Variants in LRFN1 observed in about 807,000 individuals in gnomAD.
The protein encoded by LRFN1 is leucine-rich repeat and fibronectin type III domain-containing protein 1.
A neutral mutation model predicts 31.8 loss-of-function variants in LRFN1; 20 were observed. The observed-to-expected ratio is 0.63, with a 90% CI of 0.44 to 0.91. The LOEUF (loss-of-function observed/expected upper bound fraction) is 0.91, where lower values mean the gene tolerates loss of function less well. Among genes scored for constraint, LRFN1 ranks in the 40% least tolerant of loss-of-function variants. LRFN1 has a pLI of 0.00. For synonymous variants in LRFN1, 514 were observed against 541.3 expected, an observed-to-expected ratio of 0.95 and a Z score of 0.70; for missense variants, 912 against 1,129.8, an observed-to-expected ratio of 0.81 and a Z score of 2.76.
intron 4 of LRFN1, among the ~76,000 whole-genome samples, chr19:39,311,224 G>C (rs2075149458): frequency 6.6e-6 from 1 of 152,216 alleles, no homozygotes; most frequent in African/African-American, 2.4e-5. Context: ...GCCCATGACA[G>C]CGTGAGGAAG....
At chr19:39,316,557 A>C (rs1028154142) in intron 2 of LRFN1, among the ~76,000 whole-genome samples, 1 of 152,188 alleles carries the variant, frequency 6.6e-6, no homozygotes, top group Admixed American at 6.5e-5. Flanking sequence ...AGAGTGTCAA[A>C]GTGGGAGGGA....
chr19:39,310,327 T>A (rs1414463875), intron 4 of LRFN1, among the ~76,000 whole-genome samples: 1 of 152,228 alleles, frequency 6.6e-6, no homozygotes, highest in Non-Finnish European at 1.5e-5. Flanking sequence ...AATTCCTACA[T>A]CATAGAGATG....
At chr19:39,317,824 CATT>C (rs1251688937) in intron 2 of LRFN1, among the ~76,000 whole-genome samples, 1 of 152,040 alleles carries the variant, frequency 6.6e-6, no homozygotes, top group Middle Eastern at 3.2e-3. Context: ...CTGCTATTAT[CATT>C]ATTATTATTA....
In LRFN1 at chr19:39,306,797, C is replaced by T. The variant is rs1472466389; in HGVS notation, c.*836G>A. 2 of 152,996 alleles carry T rather than the reference C, an allele frequency of 1.3e-5. No homozygotes were observed. Among genetic ancestry groups the T allele is most frequent in the Admixed American group, 1.3e-4 (2 of 15,236 alleles). 9.5% of individuals were successfully genotyped at this position (152,996 alleles called of 1,614,324 possible). ...CTACACGCGGACACACATACAGACA[C>T]ACACACAGGTCAGCAGGGCCTCAGA... On this transcript the variant is annotated 3_prime_UTR_variant, in exon 5 of 5. Coordinates refer to ENST00000248668, the MANE Select transcript of LRFN1 (RefSeq NM_020862.2).
rs1568569797 is a variant in LRFN1 at position 39,314,689 on chromosome 19, G to A, written c.648C>T (p.Asp216=). 4.3e-6 allele frequency: 7 copies of A among 1,613,164 alleles called. No individual in the cohort carries two copies. Among genetic ancestry groups the A allele is most frequent in the African/African-American group, 1.3e-5 (1 of 75,054 alleles). The change falls in exon 4 of 5, where the codon GAC becomes GAT. Residue 216 remains aspartate (D), a synonymous_variant. Coordinates refer to ENST00000248668, the MANE Select transcript of LRFN1 (RefSeq NM_020862.2). ...GTTTATGCAGGCGGTTGGAGGTCAT[G>A]TCCAGACGGACCAGCTTGTGAAGCT... ...FVQLHKLVRL[D]MTSNRLHKLP...
rs2075186390 is a variant in LRFN1, at chr19:39,320,799, CGGGGG to C, written c.-137_-133del. 1 of 145,912 alleles carries C rather than the reference CGGGGG, an allele frequency of 6.9e-6. No homozygotes were observed. The highest frequency in any genetic ancestry group is 2.5e-5 in the African/African-American group (1 of 40,402). 9.0% of individuals were successfully genotyped at this position (145,912 alleles called of 1,614,324 possible). A position where few individuals can be genotyped will look rare whatever the true frequency, so the allele number is the denominator to read the frequency against. On this transcript the variant is annotated 5_prime_UTR_variant, in exon 1 of 5. It removes the in-frame stop codon of an upstream open reading frame in the 5' UTR. Coordinates refer to ENST00000248668, the MANE Select transcript of LRFN1 (RefSeq NM_020862.2). ...CGCTGCAGGCCGCGCTCACCCAGCC[CGGGGG>C]GGCCCCGGGCCCGGCCCCGCCGCCG... is the stretch of plus-strand genomic sequence containing the variant.
chr19:39,319,477 G>A (rs1433033898), intron 1 of LRFN1, among the ~76,000 whole-genome samples: 2 of 151,414 alleles, frequency 1.3e-5, no homozygotes, highest in African/African-American at 2.4e-5. Context: ...ATACAGATAC[G>A]AGGCTGATCC....
rs775520420 is a variant in LRFN1, at chr19:39,308,498, G to T, written c.1451C>A (p.Ala484Glu). The T allele has an allele frequency of 1.2e-6, 2 of 1,600,290 alleles. No individual in the cohort carries two copies. Among genetic ancestry groups the T allele is most frequent in the South Asian group, 2.2e-5 (2 of 90,756 alleles). Reference sequence around the variant, plus strand: ...GCACAAGTCGTAGGCACGGCCCGCCGCCAGGTCATTCACCAGGAAGGTCTG... The same window carrying T: ...GCACAAGTCGTAGGCACGGCCCGCCTCCAGGTCATTCACCAGGAAGGTCTG... The part of the protein sequence containing the change: ...TSQTFLVNDL[A>E]AGRAYDLCVL... Residue 484 changes from alanine to glutamate, a missense_variant, in exon 5 of 5, where the codon GCG becomes GAG. Around this residue, in one of 2 missense-constraint regions of LRFN1, gnomAD observed 511 missense variants for 557.0 expected, o/e 0.92. Transcript: ENST00000248668. This position sits in a 1 kb window ranked among gnomAD's most constrained non-coding sequence, Gnocchi z 6.2.
chr19:39,308,051 G>A lies in LRFN1; in HGVS notation c.1898C>T (p.Ala633Val). ...AKAMEAETAS[A>V]EPEVVLGRSL... is the part of the protein sequence containing the mutation. ...ACGTCCAAGGACCACCTCCGGCTCC[G>A]CGGATGCCGTCTCGGCCTCCATGGC... Residue 633 changes from alanine (A) to valine (V), a missense_variant, in exon 5 of 5, where the codon GCG becomes GTG. By Grantham distance (64) the Ala-to-Val change is moderately conservative. Around this residue, in one of 2 missense-constraint regions of LRFN1, gnomAD observed 511 missense variants for 557.0 expected, o/e 0.92. Coordinates refer to ENST00000248668, the MANE Select transcript of LRFN1 (RefSeq NM_020862.2). This position sits in a 1 kb window ranked among gnomAD's most constrained non-coding sequence, Gnocchi z 6.2. 1 of 1,524,202 alleles carries A rather than the reference G, an allele frequency of 6.6e-7. No individual in the cohort carries two copies. 94.4% of individuals were successfully genotyped at this position (1,524,202 alleles called of 1,614,324 possible).
rs376584492 is a variant in LRFN1, at chr19:39,316,686, T to C, written c.-92-550A>G. Among the ~76,000 whole-genome samples the C allele has an allele frequency of 5.3e-5, 8 of 152,134 alleles. No homozygotes were observed. In the East Asian group the frequency reaches 1.4e-3, roughly 26 times the overall value. On this transcript the variant is annotated intron_variant, in intron 2 of 4. Coordinates refer to ENST00000248668, the MANE Select transcript of LRFN1 (RefSeq NM_020862.2). The stretch of plus-strand genomic sequence containing the variant: ...AGGCAGACTTTCATGCTCACATCTT[T>C]GGGTACACACAACACACACACACAC...
Position 39,307,950 on chromosome 19 carries a change from C to T in LRFN1, c.1999G>A (p.Val667Met). Residue 667 changes from valine (V) to methionine (M), a missense_variant, in exon 5 of 5, where the codon GTG (valine) becomes ATG (methionine). Val to Met is a conservative substitution (Grantham distance 21, BLOSUM62 1). Transcript: ENST00000248668. The surrounding 1 kb of genome is among the most constrained non-coding windows in gnomAD (Gnocchi z 6.7). ...ETSGEESRAA[V>M]GPRRSRSGAL... is the part of the protein sequence containing the mutation. Reference sequence around the variant, plus strand: ...CCGGATCGGCTCCTTCGAGGGCCCACCGCGGCCCGAGACTCCTCCCCGGAA... The same window carrying T: ...CCGGATCGGCTCCTTCGAGGGCCCATCGCGGCCCGAGACTCCTCCCCGGAA... 6.4e-7 allele frequency: 1 copy of T among 1,565,988 alleles called. No individual in the cohort carries two copies. The highest frequency in any genetic ancestry group is 1.2e-5 in the South Asian group (1 of 86,462).
chr19:39,317,154 T>A (rs1039627062), intron 2 of LRFN1, among the ~76,000 whole-genome samples: 1 of 145,208 alleles, frequency 6.9e-6, no homozygotes, highest in Non-Finnish European at 1.5e-5. Context: ...AAACTGAGAG[T>A]GAAGAATGAG....
intron 1 of LRFN1, among the ~76,000 whole-genome samples, 165 bp from the exon 2 acceptor site, chr19:39,318,523 C>T (rs945256794): frequency 6.6e-6 from 1 of 152,162 alleles, no homozygotes; most frequent in Non-Finnish European, 1.5e-5. Flanking sequence ...GAAGTCCTCT[C>T]TGGAATCCTA....
rs1349637569 is a variant in LRFN1, at chr19:39,308,059, C to G, written c.1890G>C (p.Thr630=). The G allele has an allele frequency of 3.8e-5, 57 of 1,514,022 alleles. No homozygotes were observed. The highest frequency in any genetic ancestry group is 4.8e-5 in the Non-Finnish European group (54 of 1,136,428). The allele number at this position is 1,514,022 out of a possible 1,614,324, so 93.8% of individuals were successfully genotyped here. ...GGACCACCTCCGGCTCCGCGGATGCCGTCTCGGCCTCCATGGCCTTGGCCT... is the reference window on the plus strand; with the variant it reads ...GGACCACCTCCGGCTCCGCGGATGCGGTCTCGGCCTCCATGGCCTTGGCCT... ...AVEAKAMEAE[T]ASAEPEVVLG... is the part of the protein sequence containing the mutation. The change falls in exon 5 of 5, where the codon ACG becomes ACC. Residue 630 remains threonine (T), a synonymous_variant. Transcript: ENST00000248668. The surrounding 1 kb of genome is among the most constrained non-coding windows in gnomAD (Gnocchi z 6.2).
intron 1 of LRFN1, among the ~76,000 whole-genome samples, chr19:39,318,847 A>C (rs531734488): frequency 2.3e-4 from 35 of 152,342 alleles, no homozygotes; most frequent in African/African-American, 7.7e-4. Context: ...CTACATCTGG[A>C]TTTCTATGAA....
chr19:39,315,275 A>G lies in LRFN1; in HGVS notation c.62T>C (p.Leu21Pro). Residue 21 changes from leucine (L) to proline (P), a missense_variant, in exon 4 of 5, where the codon CTG (leucine) becomes CCG (proline). Physicochemically the swap from Leu to Pro is moderately conservative, Grantham distance 98. Coordinates refer to ENST00000248668, the MANE Select transcript of LRFN1 (RefSeq NM_020862.2). The surrounding 1 kb of genome is among the most constrained non-coding windows in gnomAD (Gnocchi z 4.7). ...LSPPPAALPFLLLLWAGASRG... is the reference protein window; with the variant it reads ...LSPPPAALPFPLLLWAGASRG... ...AGATGCCCCCGCCCAGAGCAGCAGC[A>G]GAAAGGGCAGGGCAGCGGGCGGCGG... is the stretch of plus-strand genomic sequence containing the variant. 1 of 1,526,396 alleles carries G rather than the reference A, an allele frequency of 6.6e-7. No individual in the cohort carries two copies. The highest frequency in any genetic ancestry group is 8.8e-7 in the Non-Finnish European group (1 of 1,141,550). 94.6% of individuals were successfully genotyped at this position (1,526,396 alleles called of 1,614,324 possible).
At position 39,320,854 on chromosome 19, in the gene LRFN1, G is replaced by C. The variant is rs1475506174; in HGVS notation, c.-187C>G. 4 of 146,348 alleles carry C rather than the reference G, an allele frequency of 2.7e-5. No individual in the cohort carries two copies. The highest frequency in any genetic ancestry group is 6.1e-5 in the Non-Finnish European group (4 of 65,342). 9.1% of individuals were successfully genotyped at this position (146,348 alleles called of 1,614,324 possible). A position where few individuals can be genotyped will look rare whatever the true frequency, so the allele number is the denominator to read the frequency against. On this transcript the variant is annotated 5_prime_UTR_variant, in exon 1 of 5. Coordinates refer to ENST00000248668, the MANE Select transcript of LRFN1 (RefSeq NM_020862.2). Reference sequence around the variant, plus strand: ...GCTGCCTCGCTCCGCGCCATGGTGGGGGGAGGGCCGGGGGAGGGGGCGCGG... The same window carrying C: ...GCTGCCTCGCTCCGCGCCATGGTGGCGGGAGGGCCGGGGGAGGGGGCGCGG...
intron 4 of LRFN1, 29 bp downstream of exon 4, chr19:39,313,902 G>A (rs1283386911): frequency 1.3e-6 from 2 of 1,556,652 alleles, no homozygotes; most frequent in South Asian, 1.2e-5. Context: ...CTTGGGAGGA[G>A]GCCCTGGGAC....
At chr19:39,317,606 C>A (rs2045748279) in intron 2 of LRFN1, among the ~76,000 whole-genome samples, 1 of 152,072 alleles carries the variant, frequency 6.6e-6, no homozygotes, top group Non-Finnish European at 1.5e-5. Flanking sequence ...CAGAATCCGC[C>A]CTACTGCCTG....
Sources: allele counts gnomAD v4.1 joint callset (sites outside exome capture counted in the v4.1 genomes callset), GRCh38; gene constraint gnomAD v4.1.1; regional missense constraint gnomAD v4.1.1; non-coding constraint Gnocchi (gnomAD v3.1); transcripts MANE v1.5; gene names NCBI Gene and HGNC (gene_info 2026-07-23, HGNC 2026-07-21).